UTRN: variants seen among roughly 807,000 people sequenced by gnomAD.
UTRN encodes utrophin.
In UTRN, 283 loss-of-function variants were observed where a neutral mutation model predicts 463.9. The ratio of observed to expected loss-of-function variants is 0.61; its 90% CI spans 0.55 to 0.67. The LOEUF (loss-of-function observed/expected upper bound fraction) is 0.67, where lower values mean the gene tolerates loss of function less well. UTRN is among the 30% of genes least tolerant of loss of function. The pLI is 0.00. For synonymous variants in UTRN, 1,442 were observed against 1,431.5 expected (o/e 1.01, Z -0.17); for missense variants, 3,922 against 4,084.3 (o/e 0.96, Z 1.08).
intron 34 of UTRN, among the ~76,000 whole-genome samples, chr6:144,510,099 G>A (rs1795050046): frequency 6.6e-6 from 1 of 152,152 alleles, no homozygotes; most frequent in Non-Finnish European, 1.5e-5. Context: ...TTTCCAAGGT[G>A]TGATTTAATG....
chr6:144,424,295 C>A (rs900771468), intron 6 of UTRN, among the ~76,000 whole-genome samples: 32 of 152,142 alleles, frequency 2.1e-4, no homozygotes, highest in Non-Finnish European at 3.8e-4. Context: ...CCAGGCCTTG[C>A]CCCCAAATTC....
At chr6:144,505,212 G>C (rs1794594568) in intron 34 of UTRN, among the ~76,000 whole-genome samples, 1 of 152,086 alleles carries the variant, frequency 6.6e-6, no homozygotes, top group South Asian at 2.1e-4. Context: ...CAAAAAACCA[G>C]CTCCTGGATT....
chr6:144,728,750 T>C (rs1788191991), intron 53 of UTRN, among the ~76,000 whole-genome samples: 1 of 152,240 alleles, frequency 6.6e-6, no homozygotes, highest in Non-Finnish European at 1.5e-5. Context: ...GTTACATCAC[T>C]ATATCTTAAT....
chr6:144,689,961 G>T (rs1405624901), intron 52 of UTRN, among the ~76,000 whole-genome samples: 1 of 151,682 alleles, frequency 6.6e-6, no homozygotes, highest in East Asian at 1.9e-4. Flanking sequence ...ACTTGGAAAA[G>T]GGCACTGGCT....
intron 51 of UTRN, among the ~76,000 whole-genome samples, chr6:144,583,952 T>G (rs1300251529): frequency 6.6e-6 from 1 of 152,176 alleles, no homozygotes; most frequent in Non-Finnish European, 1.5e-5. Context: ...CTTATGTAAA[T>G]TTTAGTAAAA....
chr6:144,618,706 C>A (rs535800357), intron 51 of UTRN, among the ~76,000 whole-genome samples: 2 of 151,982 alleles, frequency 1.3e-5, no homozygotes, highest in African/African-American at 2.4e-5. Context: ...ACAATGATAA[C>A]CTTTTCCCAG....
intron 51 of UTRN, among the ~76,000 whole-genome samples, chr6:144,675,977 AT>A (rs1418229299): frequency 2.0e-5 from 3 of 152,172 alleles, no homozygotes; most frequent in Non-Finnish European, 1.5e-5. Flanking sequence ...ATCTGAACCA[AT>A]TTTAAAAAAA....
chr6:144,498,390 G>C (rs1212997632), intron 33 of UTRN, among the ~76,000 whole-genome samples: 1 of 152,184 alleles, frequency 6.6e-6, no homozygotes, highest in East Asian at 1.9e-4. Flanking sequence ...AAGTTCATTT[G>C]TTTTCTGTCA....
In UTRN at chr6:144,771,254, T is replaced by C. The variant is rs114041018; in HGVS notation, c.8496-653T>C. On this transcript the variant is annotated intron_variant, in intron 58 of 74. Transcript: ENST00000367545. Reference sequence around the variant, plus strand: ...AGATTTCATTTGTGTTTTTACAATGTAGTTGCTCAAATGAAATTTATTATT... The same window carrying C: ...AGATTTCATTTGTGTTTTTACAATGCAGTTGCTCAAATGAAATTTATTATT... Among the ~76,000 whole-genome samples the C allele has an allele frequency of 2.8e-3, 428 of 152,208 alleles. 1 individual carries two copies. Among genetic ancestry groups the C allele is most frequent in the African/African-American group, 9.8e-3 (409 of 41,534 alleles).
intron 51 of UTRN, among the ~76,000 whole-genome samples, chr6:144,650,152 C>A (rs931201291): frequency 6.6e-6 from 1 of 152,100 alleles, no homozygotes; most frequent in African/African-American, 2.4e-5. Context: ...TTTATAAAAC[C>A]ATCAGATCTC....
intron 2 of UTRN, among the ~76,000 whole-genome samples, chr6:144,359,929 T>C (rs893831613): frequency 1.3e-5 from 2 of 152,108 alleles, no homozygotes; most frequent in African/African-American, 2.4e-5. Context: ...ATAAGGATAA[T>C]TTTGTGGAAA....
At chr6:144,754,839 A>C (rs745730368) in intron 57 of UTRN, 41 bp downstream of exon 57, 1 of 1,574,216 alleles carries the variant, frequency 6.4e-7, no homozygotes, top group Non-Finnish European at 8.7e-7. Context: ...TAATTGAATG[A>C]ATTAGCATTT....
chr6:144,518,420 A>G (rs994438532), intron 39 of UTRN, among the ~76,000 whole-genome samples: 1 of 152,216 alleles, frequency 6.6e-6, no homozygotes, highest in African/African-American at 2.4e-5. Context: ...CCCATGTAGT[A>G]CAGCTATGCT....
intron 64 of UTRN, among the ~76,000 whole-genome samples, chr6:144,802,461 GGA>G (rs959249565): frequency 6.6e-6 from 1 of 151,986 alleles, no homozygotes; most frequent in African/African-American, 2.4e-5. Flanking sequence ...AACAGATTTC[GGA>G]GAAGATGTTT....
intron 51 of UTRN, among the ~76,000 whole-genome samples, chr6:144,603,897 C>T (rs1042769107): frequency 5.3e-5 from 8 of 152,172 alleles, no homozygotes; most frequent in African/African-American, 1.9e-4. Flanking sequence ...CTTGACACAG[C>T]AGTGGTATAT....
At chr6:144,445,423 A>G (rs1456555463) in intron 14 of UTRN, among the ~76,000 whole-genome samples, 1 of 151,318 alleles carries the variant, frequency 6.6e-6, no homozygotes, top group Non-Finnish European at 1.5e-5. Flanking sequence ...TTTTAAATGC[A>G]TTTCATTTCC....
intron 9 of UTRN, among the ~76,000 whole-genome samples, chr6:144,432,697 T>C (rs1348782059): frequency 6.6e-6 from 1 of 151,976 alleles, no homozygotes; most frequent in East Asian, 1.9e-4. Flanking sequence ...TTTTAATATA[T>C]ATTTTTTATT....
At chr6:144,530,790 A>ATGTG in intron 41 of UTRN, among the ~76,000 whole-genome samples, 1 of 151,722 alleles carries the variant, frequency 6.6e-6, no homozygotes, top group African/African-American at 2.4e-5. Context: ...GTGAGTGTGC[A>ATGTG]TGTGTGTGTG....
chr6:144,822,303 A>C (rs1779669720), intron 66 of UTRN, among the ~76,000 whole-genome samples: 1 of 152,138 alleles, frequency 6.6e-6, no homozygotes, highest in Admixed American at 6.5e-5. Flanking sequence ...GAAAGAACAC[A>C]GCCAAAGCAT....
Sources: allele counts gnomAD v4.1 joint callset (sites outside exome capture counted in the v4.1 genomes callset), GRCh38; gene constraint gnomAD v4.1.1; transcripts MANE v1.5; gene names NCBI Gene and HGNC (gene_info 2026-07-23, HGNC 2026-07-21).